The following FILIP1 variants were observed in gnomAD, a reference collection of about 807,000 sequenced individuals.
The protein encoded by FILIP1 is filamin A interacting protein 1.
In FILIP1, 61 loss-of-function variants were observed where a neutral mutation model predicts 102.1. That is an observed-to-expected ratio of 0.60 (90% CI 0.49 to 0.74). FILIP1 has a LOEUF of 0.74. FILIP1 is among the 30% of genes least tolerant of loss of function. The pLI is 0.00. For missense variants in FILIP1, 1,314 were observed against 1,441.2 expected (o/e 0.91, Z 1.43); for synonymous variants, 491 against 526.9 (o/e 0.93, Z 0.93).
Position 75,314,349 on chromosome 6 carries a change from T to C in FILIP1, c.1483A>G (p.Lys495Glu), listed in dbSNP as rs35464830. The change falls in exon 5 of 6, where the codon AAA (lysine) becomes GAA (glutamate). Residue 495 changes from lysine (K) to glutamate (E), a missense_variant. Coordinates refer to ENST00000237172, the MANE Select transcript of FILIP1 (RefSeq NM_015687.5). ...SRLEKAELSLKDDLTKLKSFT... is the reference protein window; with the variant it reads ...SRLEKAELSLEDDLTKLKSFT... ...GACTTCAACTTGGTAAGATCATCTT[T>C]TAGGCTTAATTCAGCCTTTTCCAAT... The C allele has an allele frequency of 4.7e-4, 713 of 1,519,572 alleles. 4 individuals are homozygous for C. The African/African-American group carries it at 9.2e-3, about 20-fold the overall frequency. The allele number at this position is 1,519,572 out of a possible 1,614,324, so 94.1% of individuals were successfully genotyped here.
At chr6:75,454,390 C>T (rs1344470547) in intron 1 of FILIP1, among the ~76,000 whole-genome samples, 1 of 152,152 alleles carries the variant, frequency 6.6e-6, no homozygotes, top group Non-Finnish European at 1.5e-5. Flanking sequence ...GGATGAAATG[C>T]TCTGCTTTTA....
At chr6:75,463,755 T>G (rs1272076037) in intron 1 of FILIP1, among the ~76,000 whole-genome samples, 1 of 152,234 alleles carries the variant, frequency 6.6e-6, no homozygotes, top group African/African-American at 2.4e-5. Context: ...TTATTCATAT[T>G]AATACCTTTA....
At chr6:75,316,476 T>C (rs1300771345) in intron 4 of FILIP1, among the ~76,000 whole-genome samples, 2 of 152,002 alleles carry the variant, frequency 1.3e-5, no homozygotes, top group Non-Finnish European at 2.9e-5. Flanking sequence ...CATTGCATTG[T>C]GTAAGAAATA....
intron 1 of FILIP1, among the ~76,000 whole-genome samples, chr6:75,468,376 AG>A (rs1779233969): frequency 6.6e-6 from 1 of 152,240 alleles, no homozygotes; most frequent in Non-Finnish European, 1.5e-5. Context: ...ATGTCAGAAA[AG>A]GACTTCAGAA....
chr6:75,318,773 C>G (rs1444766581), intron 4 of FILIP1, among the ~76,000 whole-genome samples: 1 of 152,110 alleles, frequency 6.6e-6, no homozygotes, highest in African/African-American at 2.4e-5. Flanking sequence ...CAACAAGAAC[C>G]TGCTTTAAAT....
At chr6:75,396,300 A>G (rs1776458463) in intron 2 of FILIP1, among the ~76,000 whole-genome samples, 1 of 151,670 alleles carries the variant, frequency 6.6e-6, no homozygotes, top group African/African-American at 2.4e-5. Context: ...TAAAAAGCTA[A>G]CTCTTGCTGT....
intron 1 of FILIP1, among the ~76,000 whole-genome samples, chr6:75,434,700 C>T (rs1009366624): frequency 6.6e-6 from 1 of 152,102 alleles, no homozygotes; most frequent in African/African-American, 2.4e-5. Flanking sequence ...GCCTGATTGC[C>T]CTGGCCAGAA....
At chr6:75,386,373 TC>T (rs1562530725) in intron 2 of FILIP1, 2 of 152,200 alleles carry the variant, frequency 1.3e-5, no homozygotes, top group Non-Finnish European at 2.9e-5. Context: ...TATGGGAATA[TC>T]CCTAGAGTGT....
At chr6:75,311,176 AATTT>A (rs746315836) in intron 5 of FILIP1, among the ~76,000 whole-genome samples, 37 of 152,084 alleles carry the variant, frequency 2.4e-4, no homozygotes, top group Non-Finnish European at 4.4e-4. Flanking sequence ...TATAATTTAT[AATTT>A]ATTTATTTAT....
chr6:75,364,424 C>A (rs1775265021), intron 2 of FILIP1, among the ~76,000 whole-genome samples: 1 of 152,150 alleles, frequency 6.6e-6, no homozygotes, highest in African/African-American at 2.4e-5. Context: ...GTATTTTAGC[C>A]CCATTCATCC....
chr6:75,469,195 T>G (rs1243332450), intron 1 of FILIP1, among the ~76,000 whole-genome samples: 3 of 151,980 alleles, frequency 2.0e-5, no homozygotes, highest in Non-Finnish European at 4.4e-5. Flanking sequence ...TAGGTCAATA[T>G]GGAAGGGAAT....
intron 1 of FILIP1, among the ~76,000 whole-genome samples, chr6:75,455,928 G>A (rs1437884786): frequency 6.6e-6 from 1 of 152,136 alleles, no homozygotes; most frequent in East Asian, 1.9e-4. Context: ...TAACTATATA[G>A]TTAAACTCAT....
chr6:75,412,722 G>A (rs1777121600), intron 2 of FILIP1, among the ~76,000 whole-genome samples: 2 of 152,056 alleles, frequency 1.3e-5, no homozygotes, highest in Non-Finnish European at 1.5e-5. Flanking sequence ...ATCTAACATA[G>A]CTAAATCTGC....
At chr6:75,449,101 G>A (rs2951923) in intron 1 of FILIP1, among the ~76,000 whole-genome samples, 3,599 of 152,174 alleles carry the variant, frequency 0.024, 168 homozygotes, top group African/African-American at 0.08. Flanking sequence ...ATCAACAAGC[G>A]GATAAAGAAA....
chr6:75,450,582 C>T (rs1242868868), intron 1 of FILIP1, among the ~76,000 whole-genome samples: 1 of 149,492 alleles, frequency 6.7e-6, no homozygotes, highest in African/African-American at 2.5e-5. Context: ...CCAGGAGTTT[C>T]AGGCTGCAGT....
chr6:75,460,803 T>C (rs1778999939), intron 1 of FILIP1, among the ~76,000 whole-genome samples: 1 of 152,158 alleles, frequency 6.6e-6, no homozygotes. Context: ...TTCTGAGTGT[T>C]ACAAAAAAAT....
chr6:75,346,427 A>G (rs1463346385), intron 4 of FILIP1, among the ~76,000 whole-genome samples: 1 of 152,140 alleles, frequency 6.6e-6, no homozygotes, highest in Non-Finnish European at 1.5e-5. Flanking sequence ...GAAAAAGCTC[A>G]CATCCATCCA....
rs755421983 is a variant in FILIP1, at chr6:75,308,872, C to T, written c.3461G>A (p.Arg1154Gln). 6.8e-6 allele frequency: 11 copies of T among 1,614,050 alleles called. No homozygotes were observed. The highest frequency in any genetic ancestry group is 2.2e-5 in the East Asian group (1 of 44,866). The change falls in exon 6 of 6, where the codon CGG becomes CAG. Residue 1154 changes from arginine to glutamine, a missense_variant. By Grantham distance (43) the Arg-to-Gln change is conservative (BLOSUM62 1). This residue lies in a region of FILIP1 where 816 missense variants were observed against 913.1 expected (regional missense o/e 0.89). Coordinates refer to ENST00000237172, the MANE Select transcript of FILIP1 (RefSeq NM_015687.5). Reference sequence around the variant, plus strand: ...CATAGGAATGCGGGTGGGTGTAGGCCGCTGGGATGACCCGTCTTGTCCTGA... The same window carrying T: ...CATAGGAATGCGGGTGGGTGTAGGCTGCTGGGATGACCCGTCTTGTCCTGA... ...SVSGQDGSSQ[R>Q]PTPTRIPMSK...
At chr6:75,450,323 A>G (rs1202464871) in intron 1 of FILIP1, among the ~76,000 whole-genome samples, 2 of 152,114 alleles carry the variant, frequency 1.3e-5, no homozygotes, top group Non-Finnish European at 2.9e-5. Context: ...GTATTCTGTG[A>G]TTGTTTAATA....
Sources: allele counts gnomAD v4.1 joint callset (sites outside exome capture counted in the v4.1 genomes callset), GRCh38; gene constraint gnomAD v4.1.1; regional missense constraint gnomAD v4.1.1; transcripts MANE v1.5; gene names NCBI Gene and HGNC (gene_info 2026-07-23, HGNC 2026-07-21).